The following PMS1 variants were observed in gnomAD, a reference collection of about 807,000 sequenced individuals.
PMS1 encodes the protein PMS1 homolog 1, mismatch repair system component.
Under a neutral mutation model 93.1 loss-of-function variants are expected in PMS1, and 79 were observed. That is an observed-to-expected ratio of 0.85 (90% CI 0.71 to 1.02). The LOEUF (loss-of-function observed/expected upper bound fraction) is 1.02, where lower values mean the gene tolerates loss of function less well. Among genes scored for constraint, PMS1 ranks in the 50% least tolerant of loss-of-function variants. PMS1 has a pLI of 0.00. For synonymous variants in PMS1, 335 were observed against 363.4 expected (o/e 0.92, Z 0.89); for missense variants, 1,064 against 1,085.3 (o/e 0.98, Z 0.28).
At position 189,864,657 on chromosome 2, in the gene PMS1, G is replaced by GAAAAAAAAAA. The variant is rs59807167; in HGVS notation, c.2342+451_2342+460dup. 5.5e-4 allele frequency among the ~76,000 whole-genome samples: 2 copies of GAAAAAAAAAA among 3,666 alleles called. 1 individual carries two copies. The highest frequency in any genetic ancestry group is 1.2e-3 in the Non-Finnish European group (2 of 1,724). The allele number at this position is 3,666 out of a possible 152,430, so 2.4% of individuals were successfully genotyped here. A position where few individuals can be genotyped will look rare whatever the true frequency, so the allele number is the denominator to read the frequency against. ...GGTAACAGAGCAAGAGTCTGTCTCAGAAAAAAAAAAAAAAAAAAAAAAAAA... is the reference window on the plus strand; with the variant it reads ...GGTAACAGAGCAAGAGTCTGTCTCAGAAAAAAAAAAAAAAAAAAAAAAAAAAAAAAAAAAA... On this transcript the variant is annotated intron_variant, in intron 10 of 12. Transcript: ENST00000441310.
At chr2:189,857,980 A>G (rs1351710524) in intron 9 of PMS1, among the ~76,000 whole-genome samples, 2 of 152,122 alleles carry the variant, frequency 1.3e-5, no homozygotes, top group Non-Finnish European at 2.9e-5. Flanking sequence ...ATTCTATGAC[A>G]GGAACAGAAT....
intron 1 of PMS1, among the ~76,000 whole-genome samples, chr2:189,791,017 C>G (rs1319478562): frequency 6.6e-5 from 10 of 150,870 alleles, no homozygotes; most frequent in African/African-American, 2.4e-4. Flanking sequence ...ATTAGTCACA[C>G]AAAATCCTGG....
rs531753608 is a variant in PMS1 at position 189,792,352 on chromosome 2, G to A, written c.132+411G>A. Among the ~76,000 whole-genome samples, 156 of 151,798 alleles carry A rather than the reference G, an allele frequency of 1.0e-3. 1 individual carries two copies. Among genetic ancestry groups the A allele is most frequent in the Middle Eastern group, 3.4e-3 (1 of 290 alleles). ...TATATTAAATCATTTGAGTAAATATGGCCTATATCACTCATTATGATTTAT... is the reference window on the plus strand; with the variant it reads ...TATATTAAATCATTTGAGTAAATATAGCCTATATCACTCATTATGATTTAT... On this transcript the variant is annotated intron_variant, in intron 2 of 12. Coordinates refer to ENST00000441310, the MANE Select transcript of PMS1 (RefSeq NM_000534.5).
Position 189,854,225 on chromosome 2 carries a change from A to G in PMS1, c.967-14A>G, listed in dbSNP as rs1559304259. 1 of 1,569,884 alleles carries G rather than the reference A, an allele frequency of 6.4e-7. No individual in the cohort carries two copies. Among genetic ancestry groups the G allele is most frequent in the East Asian group, 2.3e-5 (1 of 44,204 alleles). ...TCATAATTTCCCCTAACATTTGTTAATTTGTATTTTTAGGAATCTGTTTTA... is the reference window on the plus strand; with the variant it reads ...TCATAATTTCCCCTAACATTTGTTAGTTTGTATTTTTAGGAATCTGTTTTA... On this transcript the variant is annotated splice_polypyrimidine_tract_variant and intron_variant, in intron 8 of 12. Transcript: ENST00000441310.
Position 189,794,602 on chromosome 2 carries a change from C to G in PMS1, c.133-1167C>G, listed in dbSNP as rs2049172968. On this transcript the variant is annotated intron_variant, in intron 2 of 12. Transcript: ENST00000441310. ...ATAATTATAGAAAGATTTTATTTCC[C>G]CCTTTGTAACTTGCATCTGTGGTCA... Among the ~76,000 whole-genome samples the G allele has an allele frequency of 2.6e-5, 4 of 151,864 alleles. No homozygotes were observed. The South Asian group carries it at 8.3e-4, about 31-fold the overall frequency.
chr2:189,807,137 A>G (rs990693632), intron 4 of PMS1: 17 of 169,940 alleles, frequency 1.0e-4, no homozygotes, highest in Non-Finnish European at 1.8e-4. Flanking sequence ...TCATTCACTT[A>G]TTTTGTAAAT....
In PMS1 at chr2:189,805,902, C is replaced by T. The variant is rs1242313321; in HGVS notation, c.418+148C>T. On this transcript the variant is annotated intron_variant, in intron 4 of 12. Coordinates refer to ENST00000441310, the MANE Select transcript of PMS1 (RefSeq NM_000534.5). ...AGTTAACTTCCAAGTAAACATTCAG[C>T]CTTTATTCTAGCCACCAATTTCTTA... 2.0e-6 allele frequency: 3 copies of T among 1,530,642 alleles called. No homozygotes were observed. In the South Asian group the frequency reaches 3.7e-5, roughly 19 times the overall value. The allele number at this position is 1,530,642 out of a possible 1,614,324, so 94.8% of individuals were successfully genotyped here. A position where few individuals can be genotyped will look rare whatever the true frequency, so the allele number is the denominator to read the frequency against.
At chr2:189,860,008 T>C (rs2055781931) in intron 9 of PMS1, among the ~76,000 whole-genome samples, 1 of 152,194 alleles carries the variant, frequency 6.6e-6, no homozygotes. Context: ...AGATCTGGAA[T>C]TGATCCATTT....
intron 5 of PMS1, among the ~76,000 whole-genome samples, chr2:189,834,821 G>A (rs781453714): frequency 7.9e-5 from 12 of 151,926 alleles, no homozygotes; most frequent in Non-Finnish European, 1.2e-4. Context: ...CCTCAAACTC[G>A]TGGGCTCAAG....
At chr2:189,797,814 T>A (rs1477365724) in intron 3 of PMS1, among the ~76,000 whole-genome samples, 1 of 152,202 alleles carries the variant, frequency 6.6e-6, no homozygotes, top group East Asian at 1.9e-4. Flanking sequence ...TGGTCTTCCC[T>A]CAGCCCTTCT....
chr2:189,798,994 T>C (rs2049626904), intron 3 of PMS1, among the ~76,000 whole-genome samples: 1 of 152,208 alleles, frequency 6.6e-6, no homozygotes, highest in Non-Finnish European at 1.5e-5. Flanking sequence ...ATCTTCACTG[T>C]AGTTCTGAGT....
At chr2:189,848,741 A>C (rs1290783550) in intron 6 of PMS1, among the ~76,000 whole-genome samples, 1 of 152,152 alleles carries the variant, frequency 6.6e-6, no homozygotes, top group Non-Finnish European at 1.5e-5. Flanking sequence ...GTGATCATCT[A>C]ACCAAATCCC....
chr2:189,850,886 G>T (rs1314382374), intron 6 of PMS1, among the ~76,000 whole-genome samples: 1 of 152,148 alleles, frequency 6.6e-6, no homozygotes, highest in East Asian at 1.9e-4. Flanking sequence ...GCTTATACGG[G>T]ATTAGAGATG....
intron 9 of PMS1, among the ~76,000 whole-genome samples, chr2:189,856,154 C>CT (rs77130183): frequency 0.048 from 6,736 of 140,414 alleles, 464 homozygotes; most frequent in African/African-American, 0.16. Context: ...TTTTTGTCAT[C>CT]TTTTTTTTTT....
intron 1 of PMS1, among the ~76,000 whole-genome samples, chr2:189,785,920 T>C (rs1044506422): frequency 5.9e-5 from 9 of 151,818 alleles, no homozygotes; most frequent in African/African-American, 2.2e-4. Flanking sequence ...AGGTCAGGAG[T>C]TCGAGACCAG....
At chr2:189,857,659 G>A (rs937660810) in intron 9 of PMS1, among the ~76,000 whole-genome samples, 8 of 151,376 alleles carry the variant, frequency 5.3e-5, no homozygotes, top group African/African-American at 1.7e-4. Flanking sequence ...AATATTAAGG[G>A]TTTTCTGCAT....
chr2:189,800,760 T>C (rs752021119), intron 3 of PMS1, among the ~76,000 whole-genome samples: 1 of 152,200 alleles, frequency 6.6e-6, no homozygotes, highest in Non-Finnish European at 1.5e-5. Context: ...TGGATCGATA[T>C]GTAATTGGGC....
At chr2:189,817,817 A>G (rs1464188742) in intron 4 of PMS1, among the ~76,000 whole-genome samples, 200 bp from the exon 5 acceptor site, 2 of 152,212 alleles carry the variant, frequency 1.3e-5, no homozygotes. Context: ...ACGAGGTCAT[A>G]CTTCGTAGGT....
intron 6 of PMS1, among the ~76,000 whole-genome samples, chr2:189,849,756 G>A (rs2106437412): frequency 6.6e-6 from 1 of 151,952 alleles, no homozygotes; most frequent in Middle Eastern, 3.4e-3. Context: ...GCTTTTACAG[G>A]CCCCTTTTCT....
Sources: allele counts gnomAD v4.1 joint callset (sites outside exome capture counted in the v4.1 genomes callset), GRCh38; gene constraint gnomAD v4.1.1; transcripts MANE v1.5; gene names NCBI Gene and HGNC (gene_info 2026-07-23, HGNC 2026-07-21).